Variants in SNTG1 observed in about 807,000 individuals in gnomAD.
SNTG1 encodes syntrophin gamma 1, also known as gamma-1-syntrophin.
SNTG1 carries 39 observed loss-of-function variants against 74.7 expected under a neutral mutation model. The ratio of observed to expected loss-of-function variants is 0.52; its 90% CI spans 0.40 to 0.68. SNTG1 has a LOEUF of 0.68. Ranked by LOEUF, SNTG1 falls within the 30% of genes least tolerant of loss-of-function variation. The pLI is 0.00. For missense variants in SNTG1, 685 were observed against 609.5 expected, an observed-to-expected ratio of 1.12 and a Z score of -1.30; for synonymous variants, 254 against 217.1, an observed-to-expected ratio of 1.17 and a Z score of -1.49.
chr8:50,217,480 G>A (rs2084848984), intron 2 of SNTG1, among the ~76,000 whole-genome samples: 1 of 151,988 alleles, frequency 6.6e-6, no homozygotes, highest in Admixed American at 6.6e-5. Context: ...CATAATATGT[G>A]CTGTCATGTA....
rs867065249 is a variant in SNTG1, at chr8:50,689,113, T to C, written c.1039-15487T>C. Reference sequence around the variant, plus strand: ...GAACATTGATTTTGTATCCTGAGACTTTGCTGAAGTTGCTTATCAGCTTAA... The same window carrying C: ...GAACATTGATTTTGTATCCTGAGACCTTGCTGAAGTTGCTTATCAGCTTAA... On this transcript the variant is annotated intron_variant, in intron 15 of 18. Transcript: ENST00000642720. Among the ~76,000 whole-genome samples, 27 of 146,374 alleles carry C rather than the reference T, an allele frequency of 1.8e-4. 1 individual carries two copies. The highest frequency in any genetic ancestry group is 6.4e-4 in the African/African-American group (25 of 39,252).
chr8:50,483,883 T>C (rs2093761077), intron 8 of SNTG1, among the ~76,000 whole-genome samples: 1 of 152,176 alleles, frequency 6.6e-6, no homozygotes, highest in African/African-American at 2.4e-5. Flanking sequence ...TATGTATTAT[T>C]TCTTTTTCTT....
At chr8:50,573,827 T>C (rs1243435347) in intron 12 of SNTG1, among the ~76,000 whole-genome samples, 2 of 151,938 alleles carry the variant, frequency 1.3e-5, no homozygotes, top group South Asian at 2.1e-4. Flanking sequence ...TAATAACTTA[T>C]AAGTATACTT....
intron 2 of SNTG1, among the ~76,000 whole-genome samples, chr8:50,324,282 G>A (rs1458119626): frequency 6.6e-6 from 1 of 152,196 alleles, no homozygotes; most frequent in African/African-American, 2.4e-5. Flanking sequence ...CTCAGTTGCT[G>A]TGCTCTTCCT....
intron 2 of SNTG1, among the ~76,000 whole-genome samples, chr8:50,388,119 G>C (rs527705385): frequency 6.6e-6 from 1 of 152,268 alleles, no homozygotes; most frequent in South Asian, 2.1e-4. Flanking sequence ...CATGGCTATA[G>C]GAGATAAGGG....
At chr8:50,699,047 T>G (rs34316210) in intron 15 of SNTG1, among the ~76,000 whole-genome samples, 39,586 of 152,028 alleles carry the variant, frequency 0.26, 5,782 homozygotes, top group African/African-American at 0.39. Context: ...ACAAAAAAGT[T>G]ACTGAGGTGG....
At chr8:50,533,242 CT>C (rs1041488782) in intron 10 of SNTG1, among the ~76,000 whole-genome samples, 8 of 152,208 alleles carry the variant, frequency 5.3e-5, no homozygotes, top group African/African-American at 1.9e-4. Flanking sequence ...GCCAACCAGA[CT>C]GAGAAACATT....
intron 4 of SNTG1, among the ~76,000 whole-genome samples, chr8:50,404,515 A>G (rs929110413): frequency 1.3e-5 from 2 of 152,078 alleles, no homozygotes; most frequent in Non-Finnish European, 2.9e-5. Context: ...AGCGCTTACT[A>G]TAAGATTCTA....
chr8:50,289,766 A>G (rs2088988522), intron 2 of SNTG1, among the ~76,000 whole-genome samples: 1 of 152,152 alleles, frequency 6.6e-6, no homozygotes, highest in Admixed American at 6.6e-5. Context: ...TGAATATTGA[A>G]AGAGAGGAGA....
chr8:49,938,603 T>TTTCTTTCTTTTTC (rs10629764), intron 1 of SNTG1, among the ~76,000 whole-genome samples: 2 of 74,754 alleles, frequency 2.7e-5, no homozygotes, highest in African/African-American at 9.1e-5. Context: ...TTTTCTTTTC[T>TTTCTTTCTTTTTC]TTTCTTTCTT....
At chr8:49,927,557 A>G (rs1807138547) in intron 1 of SNTG1, among the ~76,000 whole-genome samples, 1 of 152,222 alleles carries the variant, frequency 6.6e-6, no homozygotes, top group African/African-American at 2.4e-5. Context: ...AAGTGAAAGA[A>G]GCTAACCTAG....
At chr8:50,316,715 T>A (rs2090330514) in intron 2 of SNTG1, among the ~76,000 whole-genome samples, 1 of 152,164 alleles carries the variant, frequency 6.6e-6, no homozygotes, top group Non-Finnish European at 1.5e-5. Context: ...TAGATAAGTA[T>A]ACAGTTGATT....
chr8:50,353,161 A>AGAAAACATGTACAT, intron 2 of SNTG1, among the ~76,000 whole-genome samples: 1 of 151,400 alleles, frequency 6.6e-6, no homozygotes. Context: ...AAGGACAAAA[A>AGAAAACATGTACAT]ACCAAACGCC....
At chr8:50,278,855 C>T (rs983905876) in intron 2 of SNTG1, among the ~76,000 whole-genome samples, 2 of 151,770 alleles carry the variant, frequency 1.3e-5, no homozygotes, top group African/African-American at 2.4e-5. Flanking sequence ...AAATTCATGT[C>T]TAAGAGAGCA....
rs138567599 is a variant in SNTG1, at chr8:50,459,763, G to C, written c.363+9034G>C. On this transcript the variant is annotated intron_variant, in intron 8 of 18. Transcript: ENST00000642720. ...GCTCCCACTTACAAAAGAACATGTA[G>C]TATTTGGTTTTCTGTTCCTGTATTA... Among the ~76,000 whole-genome samples, 261 of 152,268 alleles carry C rather than the reference G, an allele frequency of 1.7e-3. 1 individual carries two copies. The highest frequency in any genetic ancestry group is 6.1e-3 in the African/African-American group (252 of 41,560).
chr8:50,673,502 C>T (rs1333730999), intron 15 of SNTG1, among the ~76,000 whole-genome samples: 1 of 151,964 alleles, frequency 6.6e-6, no homozygotes, highest in Non-Finnish European at 1.5e-5. Context: ...TAAAGGAATG[C>T]CTGTGATTTT....
At chr8:50,324,142 T>G (rs1043162969) in intron 2 of SNTG1, among the ~76,000 whole-genome samples, 4 of 152,198 alleles carry the variant, frequency 2.6e-5, no homozygotes, top group Non-Finnish European at 4.4e-5. Context: ...AACTTCCAAC[T>G]GCTGGGATGG....
chr8:50,530,196 C>T lies in SNTG1; in HGVS notation c.486C>T (p.Ser162=). 1 of 1,613,698 alleles carries T rather than the reference C, an allele frequency of 6.2e-7. No individual in the cohort carries two copies. The highest frequency in any genetic ancestry group is 8.5e-7 in the Non-Finnish European group (1 of 1,179,706). ...CTGCAGGTGCTCCAAGTGACCAGAG[C>T]AGTGGCACCTCCTCTCCTCTCTGTG... ...EDCACAPSDQ[S]SGTSSPLCDS... The change falls in exon 10 of 19, where the codon AGC becomes AGT. Residue 162 remains serine, a synonymous_variant. Coordinates refer to ENST00000642720, the MANE Select transcript of SNTG1 (RefSeq NM_018967.5).
At chr8:50,026,695 G>T (rs1238810057) in intron 1 of SNTG1, among the ~76,000 whole-genome samples, 1 of 151,918 alleles carries the variant, frequency 6.6e-6, no homozygotes, top group Non-Finnish European at 1.5e-5. Flanking sequence ...TGGCATTTGT[G>T]TGTACGTGTG....
Sources: allele counts gnomAD v4.1 joint callset (sites outside exome capture counted in the v4.1 genomes callset), GRCh38; gene constraint gnomAD v4.1.1; transcripts MANE v1.5; gene names NCBI Gene and HGNC (gene_info 2026-07-23, HGNC 2026-07-21).